Variants in DOCK9 observed in about 807,000 individuals in gnomAD.
The protein encoded by DOCK9 is dedicator of cytokinesis protein 9.
In DOCK9, 89 loss-of-function variants were observed where a neutral mutation model predicts 263.3. That is an observed-to-expected ratio of 0.34 (90% CI 0.28 to 0.40). The LOEUF (loss-of-function observed/expected upper bound fraction) is 0.40, where lower values mean the gene tolerates loss of function less well. Ranked by LOEUF, DOCK9 falls within the 10% of genes least tolerant of loss-of-function variation. The pLI, the probability that DOCK9 is intolerant of heterozygous loss-of-function variation, is 1.00. For missense variants in DOCK9, 2,140 were observed against 2,603.4 expected (o/e 0.82, Z 3.87); for synonymous variants, 976 against 973.1 (o/e 1.00, Z -0.06).
rs577221304 is a variant in DOCK9, at chr13:98,890,529, G to A, written c.1710-1818C>T. On this transcript the variant is annotated intron_variant, in intron 15 of 52. Coordinates refer to ENST00000682017, the MANE Select transcript of DOCK9 (RefSeq NM_001366683.2). Reference sequence around the variant, plus strand: ...TCAACACGATATGACTTAGTCTTAGGAAACACAATGCCGCCTCACAGTCCT... The same window carrying A: ...TCAACACGATATGACTTAGTCTTAGAAAACACAATGCCGCCTCACAGTCCT... 6.6e-5 allele frequency among the ~76,000 whole-genome samples: 10 copies of A among 152,282 alleles called. No homozygotes were observed. In the East Asian group the frequency reaches 1.7e-3, roughly 26 times the overall value.
chr13:99,037,296 A>T (rs966443394), intron 1 of DOCK9, among the ~76,000 whole-genome samples: 1 of 152,210 alleles, frequency 6.6e-6, no homozygotes, highest in Non-Finnish European at 1.5e-5. Flanking sequence ...AAAACCAATT[A>T]AAAAATACAA....
chr13:98,977,736 A>C (rs1595794467), intron 1 of DOCK9, 48 bp downstream of exon 1: 2 of 1,593,354 alleles, frequency 1.3e-6, no homozygotes, highest in Non-Finnish European at 1.7e-6. Context: ...CACAATAAGA[A>C]CCCAGCATTG....
chr13:99,017,216 ACTAGGAGAAT>A (rs1885527446), intron 1 of DOCK9, among the ~76,000 whole-genome samples: 2 of 152,228 alleles, frequency 1.3e-5, no homozygotes, highest in African/African-American at 4.8e-5. Flanking sequence ...AAGTTGTGAC[ACTAGGAGAAT>A]CTTCATGCGA....
At chr13:98,915,619 T>A in intron 7 of DOCK9, 116 bp from the exon 8 acceptor site, 9 of 981,962 alleles carry the variant, frequency 9.2e-6, no homozygotes, top group Non-Finnish European at 1.2e-5. Context: ...CAAGCTATTT[T>A]AAATAGCTTG....
intron 38 of DOCK9, among the ~76,000 whole-genome samples, chr13:98,843,803 C>T (rs2067547525): frequency 6.6e-6 from 1 of 152,158 alleles, no homozygotes; most frequent in African/African-American, 2.4e-5. Flanking sequence ...TGTCTCTCTC[C>T]TCCAATTCAA....
intron 19 of DOCK9, 114 bp downstream of exon 19, chr13:98,886,418 C>G: frequency 1.4e-6 from 1 of 697,984 alleles, no homozygotes; most frequent in Non-Finnish European, 2.4e-6. Context: ...AGTTCTAGCT[C>G]TGTAATTTCA....
rs16956335 is a variant in DOCK9, at chr13:99,078,562, T to A, written c.129+7661A>T. Among the ~76,000 whole-genome samples the A allele has an allele frequency of 7.0e-3, 1,067 of 152,116 alleles. 11 individuals are homozygous for A. The highest frequency in any genetic ancestry group is 0.024 in the African/African-American group (1,013 of 41,478). ...AGAGGCAGACCAGCCAGTGTAGAAG[T>A]AAAGATAAGAGCTGGGTCAGTAGAG... On this transcript the variant is annotated intron_variant, in intron 1 of 32. Transcript: ENST00000427887.
Position 98,797,441 on chromosome 13 carries a change from T to C in DOCK9, c.5965A>G (p.Asn1989Asp). 6.2e-7 allele frequency: 1 copy of C among 1,613,580 alleles called. No homozygotes were observed. Among genetic ancestry groups the C allele is most frequent in the Non-Finnish European group, 8.5e-7 (1 of 1,179,708 alleles). ...AYARAFLDDTNTKRYPDNKVK... is the reference protein window; with the variant it reads ...AYARAFLDDTDTKRYPDNKVK... ...TTATTGTCAGGATATCGCTTTGTGTTTGTATCATCTAAGAAAGCTCGCGCA... is the reference window on the plus strand; with the variant it reads ...TTATTGTCAGGATATCGCTTTGTGTCTGTATCATCTAAGAAAGCTCGCGCA... The change falls in exon 51 of 53, where the codon AAC (asparagine) becomes GAC (aspartate). Residue 1989 changes from asparagine (N) to aspartate (D), a missense_variant. Transcript: ENST00000682017.
At position 98,915,496 on chromosome 13, in the gene DOCK9, T is replaced by C; in HGVS notation, c.725A>G (p.Lys242Arg). 7 of 1,610,810 alleles carry C rather than the reference T, an allele frequency of 4.3e-6. No homozygotes were observed. The highest frequency in any genetic ancestry group is 5.9e-6 in the Non-Finnish European group (7 of 1,178,964). The stretch of plus-strand genomic sequence containing the variant: ...GAGCTCAAAAGCAAAACGCCTGACT[T>C]TGTTGTTCTGAAATGAAAAAAGGAT... The part of the protein sequence containing the change: ...DSCMGVVQNN[K>R]VRRFAFELKM... Residue 242 changes from lysine to arginine, a missense_variant, in exon 8 of 53, where the codon AAA (lysine) becomes AGA (arginine). Around this residue, in one of 2 missense-constraint regions of DOCK9, gnomAD observed 1,521 missense variants for 1,741.7 expected, o/e 0.87. Coordinates refer to ENST00000682017, the MANE Select transcript of DOCK9 (RefSeq NM_001366683.2).
chr13:99,085,528 C>T (rs977968910), intron 1 of DOCK9, among the ~76,000 whole-genome samples: 26 of 152,206 alleles, frequency 1.7e-4, no homozygotes, highest in African/African-American at 5.5e-4. Context: ...AGACGTTCTG[C>T]CACGGGAAGA....
At chr13:98,900,796 C>T (rs1284930731) in intron 13 of DOCK9, among the ~76,000 whole-genome samples, 1 of 152,196 alleles carries the variant, frequency 6.6e-6, no homozygotes, top group Non-Finnish European at 1.5e-5. Context: ...GGTCTTCTGA[C>T]TCCAAAATCC....
rs1212452201 is a variant in DOCK9, at chr13:98,883,140, G to A, written c.2470-9C>T. 45 of 1,604,130 alleles carry A rather than the reference G, an allele frequency of 2.8e-5. No individual in the cohort carries two copies. The highest frequency in any genetic ancestry group is 3.8e-5 in the Non-Finnish European group (45 of 1,174,184). On this transcript the variant is annotated splice_polypyrimidine_tract_variant and intron_variant, in intron 22 of 52. Transcript: ENST00000682017. Reference sequence around the variant, plus strand: ...TTATGTAAATGCTGATCCTGAGGTAGGGAAAAAGGAAAAGAAGAAGAAAGT... The same window carrying A: ...TTATGTAAATGCTGATCCTGAGGTAAGGAAAAAGGAAAAGAAGAAGAAAGT...
At chr13:98,835,887 G>A (rs2092978575) in intron 39 of DOCK9, among the ~76,000 whole-genome samples, 3 of 151,878 alleles carry the variant, frequency 2.0e-5, no homozygotes, top group South Asian at 4.2e-4. Context: ...ACAAGCGCAC[G>A]CCACCATGCC....
chr13:98,848,674 A>C (rs755789741), intron 36 of DOCK9, 35 bp from the exon 37 acceptor site: 1 of 1,595,698 alleles, frequency 6.3e-7, no homozygotes, highest in Admixed American at 1.7e-5. Context: ...AGGGAAATGC[A>C]AAGATAAAAT....
At chr13:98,928,015 A>G (rs796075909) in intron 3 of DOCK9, among the ~76,000 whole-genome samples, 1 of 102,648 alleles carries the variant, frequency 9.7e-6, no homozygotes, top group African/African-American at 3.1e-5. Context: ...AAAAAAAAAA[A>G]AAAACAAAAA....
At chr13:98,913,084 A>G (rs1313124761) in intron 9 of DOCK9, among the ~76,000 whole-genome samples, 1 of 152,256 alleles carries the variant, frequency 6.6e-6, no homozygotes, top group African/African-American at 2.4e-5. Context: ...CTGTGGTAGC[A>G]GTCAAGTCCT....
chr13:98,853,289 TGC>T (rs1566722250), intron 35 of DOCK9, 117 bp downstream of exon 35: 19 of 626,030 alleles, frequency 3.0e-5, no homozygotes, highest in African/African-American at 3.0e-4. Flanking sequence ...TCAATGAATA[TGC>T]ATTTTAAACA....
At chr13:98,942,824 C>T (rs1432490115) in intron 2 of DOCK9, among the ~76,000 whole-genome samples, 2 of 152,142 alleles carry the variant, frequency 1.3e-5, no homozygotes, top group Non-Finnish European at 2.9e-5. Flanking sequence ...TGGGACTGTG[C>T]TGACTACTGT....
At chr13:99,002,004 C>T (rs1177884819) in intron 1 of DOCK9, among the ~76,000 whole-genome samples, 1 of 152,180 alleles carries the variant, frequency 6.6e-6, no homozygotes, top group East Asian at 1.9e-4. Flanking sequence ...ACGCTTACAT[C>T]CGTCCTTCCT....
Sources: allele counts gnomAD v4.1 joint callset (sites outside exome capture counted in the v4.1 genomes callset), GRCh38; gene constraint gnomAD v4.1.1; regional missense constraint gnomAD v4.1.1; transcripts MANE v1.5; gene names NCBI Gene and HGNC (gene_info 2026-07-23, HGNC 2026-07-21).